Variants in NSMAF observed in about 807,000 individuals in gnomAD.
The protein encoded by NSMAF is protein FAN.
NSMAF carries 90 observed loss-of-function variants against 134.9 expected under a neutral mutation model. The observed-to-expected ratio is 0.67, with a 90% CI of 0.56 to 0.79. The LOEUF is 0.79. Among genes scored for constraint, NSMAF ranks in the 30% least tolerant of loss-of-function variants. The pLI, the probability that NSMAF is intolerant of heterozygous loss-of-function variation, is 0.00. For missense variants in NSMAF, 1,010 were observed against 1,119.0 expected (o/e 0.90, Z 1.39); for synonymous variants, 358 against 389.6 (o/e 0.92, Z 0.96).
chr8:58,630,833 G>A (rs186909314), intron 6 of NSMAF, among the ~76,000 whole-genome samples: 1 of 152,312 alleles, frequency 6.6e-6, no homozygotes, highest in East Asian at 1.9e-4. Flanking sequence ...TTCAGATTCA[G>A]CCTGTGGGAC....
chr8:58,587,900 T>A (rs1220860161), intron 26 of NSMAF, among the ~76,000 whole-genome samples, 199 bp from the exon 27 acceptor site: 1 of 152,226 alleles, frequency 6.6e-6, no homozygotes, highest in Non-Finnish European at 1.5e-5. Context: ...GTCCCTTGCT[T>A]GTACCTGTGT....
chr8:58,625,907 AT>A (rs1444340048), intron 6 of NSMAF, among the ~76,000 whole-genome samples: 2 of 150,386 alleles, frequency 1.3e-5, no homozygotes, highest in South Asian at 2.1e-4. Context: ...TTTCCTCCTC[AT>A]TTTTTTTAAA....
chr8:58,638,659 G>A (rs1807258883), intron 2 of NSMAF, among the ~76,000 whole-genome samples: 1 of 152,124 alleles, frequency 6.6e-6, no homozygotes, highest in Admixed American at 6.6e-5. Context: ...TGTAAGTCCT[G>A]AAATTGTAAA....
At position 58,584,072 on chromosome 8, in the gene NSMAF, A is replaced by G. The variant is rs754996970; in HGVS notation, c.*34T>C. On this transcript the variant is annotated 3_prime_UTR_variant, in exon 31 of 31. Coordinates refer to ENST00000038176, the MANE Select transcript of NSMAF (RefSeq NM_003580.4). ...TTTGGTTTAAAAATGCATTAAATAG[A>G]GTTCAATTTAATATTCAGGAGAGGA... is the stretch of plus-strand genomic sequence containing the variant. 13 of 1,473,132 alleles carry G rather than the reference A, an allele frequency of 8.8e-6. No individual in the cohort carries two copies. Among genetic ancestry groups the G allele is most frequent in the Non-Finnish European group, 1.2e-5 (13 of 1,051,782 alleles). The allele number at this position is 1,473,132 out of a possible 1,614,324, so 91.3% of individuals were successfully genotyped here. A position where few individuals can be genotyped will look rare whatever the true frequency, so the allele number is the denominator to read the frequency against.
chr8:58,626,900 TCTCA>T (rs1806944815), intron 6 of NSMAF, among the ~76,000 whole-genome samples: 1 of 152,234 alleles, frequency 6.6e-6, no homozygotes, highest in Non-Finnish European at 1.5e-5. Context: ...TTATGGCCAT[TCTCA>T]CTAAGTAAGG....
At chr8:58,599,076 C>T (rs1036032588) in intron 19 of NSMAF, among the ~76,000 whole-genome samples, 156 bp downstream of exon 19, 1 of 152,166 alleles carries the variant, frequency 6.6e-6, no homozygotes, top group African/African-American at 2.4e-5. Flanking sequence ...CCAGTGGACG[C>T]TGGAGTCTGA....
chr8:58,615,038 C>G (rs1380142376), intron 9 of NSMAF, among the ~76,000 whole-genome samples: 1 of 151,934 alleles, frequency 6.6e-6, no homozygotes, highest in Non-Finnish European at 1.5e-5. Flanking sequence ...CATAAGAAAA[C>G]TGATGTGGTT....
At chr8:58,617,962 C>G (rs931992225) in intron 9 of NSMAF, among the ~76,000 whole-genome samples, 4 of 152,202 alleles carry the variant, frequency 2.6e-5, no homozygotes, top group African/African-American at 7.2e-5. Context: ...ACATATACTT[C>G]ATGGGATACT....
intron 1 of NSMAF, among the ~76,000 whole-genome samples, chr8:58,656,795 A>C (rs2129149213): frequency 6.6e-6 from 1 of 152,090 alleles, no homozygotes; most frequent in African/African-American, 2.4e-5. Flanking sequence ...ACGCCACTGC[A>C]CTCCAGCCTG....
At chr8:58,594,350 T>C (rs1798436372) in intron 22 of NSMAF, 60 bp from the exon 23 acceptor site, 1 of 1,402,562 alleles carries the variant, frequency 7.1e-7, no homozygotes, top group Non-Finnish European at 1.0e-6. Flanking sequence ...ACCCTCTTTG[T>C]TTCATATCCT....
At chr8:58,641,172 C>T (rs550636476) in intron 2 of NSMAF, among the ~76,000 whole-genome samples, 19 of 152,212 alleles carry the variant, frequency 1.2e-4, no homozygotes, top group Non-Finnish European at 2.2e-4. Flanking sequence ...CCACCAGCCT[C>T]GGCCTCCCAA....
In NSMAF at chr8:58,599,229, T is replaced by C. The variant is rs774680586; in HGVS notation, c.1585+3A>G. 1 of 1,610,942 alleles carries C rather than the reference T, an allele frequency of 6.2e-7. No individual in the cohort carries two copies. The highest frequency in any genetic ancestry group is 2.2e-5 in the East Asian group (1 of 44,848). On this transcript the variant is annotated splice_donor_region_variant and intron_variant, in intron 19 of 30. Coordinates refer to ENST00000038176, the MANE Select transcript of NSMAF (RefSeq NM_003580.4). ...AAATAAAATTTCAATGAATATTACA[T>C]ACCATTATGGGCCCCAACTGCATCA... is the stretch of plus-strand genomic sequence containing the variant.
Position 58,606,420 on chromosome 8 carries a change from C to CAT in NSMAF, c.760-387_760-386dup, listed in dbSNP as rs527920301. Among the ~76,000 whole-genome samples the CAT allele has an allele frequency of 3.0e-4, 46 of 152,130 alleles. No individual in the cohort carries two copies. In the East Asian group the frequency reaches 7.3e-3, roughly 24 times the overall value. ...TAGCTTTCTTTCATAAGTTAAATAACATATATATATTTTGAGACCAGGTCC... is the reference window on the plus strand; with the variant it reads ...TAGCTTTCTTTCATAAGTTAAATAACATATATATATATTTTGAGACCAGGTCC... On this transcript the variant is annotated intron_variant, in intron 11 of 30. Transcript: ENST00000038176.
chr8:58,625,364 G>C (rs536241058), intron 6 of NSMAF, among the ~76,000 whole-genome samples: 3 of 118,012 alleles, frequency 2.5e-5, no homozygotes, highest in Non-Finnish European at 4.0e-5. Context: ...ACCCCTAGAT[G>C]GGTGTATATG....
Position 58,631,513 on chromosome 8 carries a change from G to C in NSMAF, c.367C>G (p.Pro123Ala). The C allele has an allele frequency of 6.6e-7, 1 of 1,507,658 alleles. No homozygotes were observed. The highest frequency in any genetic ancestry group is 2.4e-5 in the East Asian group (1 of 42,204). The allele number at this position is 1,507,658 out of a possible 1,614,324, so 93.4% of individuals were successfully genotyped here. A position where few individuals can be genotyped will look rare whatever the true frequency, so the allele number is the denominator to read the frequency against. Reference protein sequence around the residue: ...YFIKEHNVVAPYKIERGKMEY... With the variant: ...YFIKEHNVVAAYKIERGKMEY... ...TTACTTACCCTTTCTATTTTATATG[G>C]TGCAACAACATTATGTTCTTTAATG... The change falls in exon 6 of 31, where the codon CCA (proline) becomes GCA (alanine). Residue 123 changes from proline to alanine, a missense_variant. Physicochemically the swap from Pro to Ala is conservative, Grantham distance 27. Coordinates refer to ENST00000038176, the MANE Select transcript of NSMAF (RefSeq NM_003580.4).
rs767378861 is a variant in NSMAF, at chr8:58,603,389, G to A, written c.869-3C>T. The A allele has an allele frequency of 4.3e-6, 7 of 1,613,114 alleles. No individual in the cohort carries two copies. Among genetic ancestry groups the A allele is most frequent in the East Asian group, 2.2e-5 (1 of 44,886 alleles). On this transcript the variant is annotated splice_region_variant and splice_polypyrimidine_tract_variant and intron_variant, in intron 12 of 30. Transcript: ENST00000038176. ...AGTGTGCTCCGCCACATGGTGCTCT[G>A]GGGGAAGAGGACCCACGAGGTCTGC...
chr8:58,634,516 A>G (rs78681369), intron 5 of NSMAF, among the ~76,000 whole-genome samples: 12,149 of 152,228 alleles, frequency 0.08, 564 homozygotes, highest in African/African-American at 0.11. Context: ...TTCTCTGAAC[A>G]CTTCAACACC....
intron 1 of NSMAF, among the ~76,000 whole-genome samples, chr8:58,656,526 T>C (rs1448729721): frequency 6.6e-6 from 1 of 152,270 alleles, no homozygotes; most frequent in East Asian, 1.9e-4. Flanking sequence ...TAATATACTT[T>C]TAAAAATTTT....
In NSMAF at chr8:58,603,286, G is replaced by A. The variant is rs749891482; in HGVS notation, c.969C>T (p.Ala323=). The part of the protein sequence containing the change: ...YQYLLHLNNL[A]DRSCNDLSQY... ...GGGAGAGGTCGTTGCAGCTGCGGTC[G>A]GCCAGGTTGTTGAGGTGAAGGAGGT... Residue 323 remains alanine, a synonymous_variant, in exon 13 of 31, where the codon GCC becomes GCT. Transcript: ENST00000038176. 1.9e-5 allele frequency: 31 copies of A among 1,614,006 alleles called. No individual in the cohort carries two copies. Among genetic ancestry groups the A allele is most frequent in the East Asian group, 1.3e-4 (6 of 44,894 alleles).
Sources: gnomAD v4.1 joint callset for allele counts (sites outside exome capture counted in the v4.1 genomes callset) on GRCh38, gnomAD v4.1.1 for gene constraint, MANE v1.5 for transcripts, NCBI Gene and HGNC (gene_info 2026-07-23, HGNC 2026-07-21) for gene names.